The following CD247 variants were observed in gnomAD, a reference collection of about 807,000 sequenced individuals.
The protein encoded by CD247 is CD247 molecule.
A neutral mutation model predicts 30.0 loss-of-function variants in CD247; 13 were observed. The ratio of observed to expected loss-of-function variants is 0.43; its 90% CI spans 0.28 to 0.69. The LOEUF (loss-of-function observed/expected upper bound fraction) is 0.69. CD247 is among the 30% of genes least tolerant of loss of function. The probability of loss-of-function intolerance (pLI) is 0.16; values close to 1 mark genes in which losing one functional copy is unlikely to be tolerated. For synonymous variants in CD247, 72 were observed against 80.0 expected (o/e 0.90, Z 0.53); for missense variants, 193 against 212.6 (o/e 0.91, Z 0.57).
intron 1 of CD247, among the ~76,000 whole-genome samples, chr1:167,506,379 A>C (rs1571598682): frequency 8.1e-5 from 9 of 111,586 alleles, no homozygotes; most frequent in African/African-American, 1.8e-4. Flanking sequence ...TTTTTCTCTC[A>C]CTCTGTTGTC....
chr1:167,455,230 A>G (rs1652583160), intron 1 of CD247, among the ~76,000 whole-genome samples: 1 of 152,230 alleles, frequency 6.6e-6, no homozygotes, highest in African/African-American at 2.4e-5. Context: ...TAAAGAGACG[A>G]GCTTCAGCCT....
At chr1:167,478,722 A>G (rs1416534818) in intron 1 of CD247, among the ~76,000 whole-genome samples, 1 of 152,226 alleles carries the variant, frequency 6.6e-6, no homozygotes, top group African/African-American at 2.4e-5. Flanking sequence ...GTAAATTAAT[A>G]TGGGTAAAAT....
intron 1 of CD247, among the ~76,000 whole-genome samples, chr1:167,489,406 G>A (rs1310147647): frequency 6.6e-6 from 1 of 152,164 alleles, no homozygotes; most frequent in Non-Finnish European, 1.5e-5. Flanking sequence ...GTGGGTAGGT[G>A]ACACTCTCAT....
At chr1:167,434,727 G>A in intron 5 of CD247, 1 of 450,266 alleles carries the variant, frequency 2.2e-6, no homozygotes, top group South Asian at 1.6e-5. Flanking sequence ...ATCAACCTGG[G>A]AACTCCAGCA....
chr1:167,510,155 A>T (rs1028062929), intron 1 of CD247, among the ~76,000 whole-genome samples: 5 of 151,648 alleles, frequency 3.3e-5, no homozygotes, highest in African/African-American at 1.2e-4. Flanking sequence ...CTGCCACCAA[A>T]CTCCTCCTAA....
intron 1 of CD247, among the ~76,000 whole-genome samples, chr1:167,453,319 G>A (rs34608424): frequency 0.015 from 2,281 of 152,174 alleles, 30 homozygotes; most frequent in South Asian, 0.028. Context: ...TGACTCTCCC[G>A]CAGTCAAACA....
At chr1:167,459,007 C>T (rs551790679) in intron 1 of CD247, among the ~76,000 whole-genome samples, 342 of 151,204 alleles carry the variant, frequency 2.3e-3, no homozygotes, top group African/African-American at 7.9e-3. Context: ...CTGTGGCGTG[C>T]GCCTGTTATC....
chr1:167,481,780 A>AG (rs1205338881), intron 1 of CD247, among the ~76,000 whole-genome samples: 1 of 152,184 alleles, frequency 6.6e-6, no homozygotes, highest in African/African-American at 2.4e-5. Flanking sequence ...GGGCGGTCAC[A>AG]GGACCATACC....
intron 1 of CD247, among the ~76,000 whole-genome samples, chr1:167,507,359 G>T (rs997371460): frequency 1.3e-5 from 2 of 152,030 alleles, no homozygotes; most frequent in African/African-American, 4.8e-5. Context: ...AGGTGAACCA[G>T]GCCTCTTTTC....
In CD247 at chr1:167,431,577, T is replaced by G. The variant is rs1651267858; in HGVS notation, c.*104A>C. 1.1e-6 allele frequency: 1 copy of G among 942,150 alleles called. No individual in the cohort carries two copies. Among genetic ancestry groups the G allele is most frequent in the African/African-American group, 1.6e-5 (1 of 62,132 alleles). The allele number at this position is 942,150 out of a possible 1,614,324, so 58.4% of individuals were successfully genotyped here. ...GCATCCTGTACATAAAGGGGAATAC[T>G]TCAGTGGCTGAGAAGAGTGAACCGG... On this transcript the variant is annotated 3_prime_UTR_variant, in exon 8 of 8. Transcript: ENST00000362089.
intron 4 of CD247, 139 bp downstream of exon 4, chr1:167,438,431 C>G: frequency 1.3e-6 from 1 of 764,144 alleles, no homozygotes. Flanking sequence ...AAGTGGGTCT[C>G]CATCTCTTCT....
At chr1:167,515,086 C>T (rs560534474) in intron 1 of CD247, among the ~76,000 whole-genome samples, 10 of 152,202 alleles carry the variant, frequency 6.6e-5, no homozygotes, top group African/African-American at 1.7e-4. Flanking sequence ...GCCTGAGAAA[C>T]GCTAAAATTG....
rs1051242240 is a variant in CD247, at chr1:167,430,766, G to A, written c.*915C>T. ...TCCATGGCCTGTGCCCTGTAATGAC[G>A]CAGCAGTATCCTAGTACATTGACGG... On this transcript the variant is annotated 3_prime_UTR_variant, in exon 8 of 8. Transcript: ENST00000362089. The A allele has an allele frequency of 3.0e-5, 12 of 398,576 alleles. No individual in the cohort carries two copies. The highest frequency in any genetic ancestry group is 1.8e-4 in the Admixed American group (4 of 22,720). The allele number at this position is 398,576 out of a possible 1,614,324, so 24.7% of individuals were successfully genotyped here. A position where few individuals can be genotyped will look rare whatever the true frequency, so the allele number is the denominator to read the frequency against.
chr1:167,515,853 T>G (rs891240760), intron 1 of CD247, among the ~76,000 whole-genome samples: 11 of 152,272 alleles, frequency 7.2e-5, no homozygotes, highest in African/African-American at 2.7e-4. Context: ...CAGTCCGAGA[T>G]GTAATAATAG....
chr1:167,505,004 C>T (rs35296107), intron 1 of CD247, among the ~76,000 whole-genome samples: 1,679 of 152,328 alleles, frequency 0.011, 30 homozygotes, highest in African/African-American at 0.037. Context: ...TACCAAATAA[C>T]TCACGACAGC....
rs528850858 is a variant in CD247, at chr1:167,460,663, A to G, written c.59-19896T>C. Reference sequence around the variant, plus strand: ...GTGCAGGTTTGTTACATAGGTATACATGTGCCATGTTGGTTTGCTGCACCT... The same window carrying G: ...GTGCAGGTTTGTTACATAGGTATACGTGTGCCATGTTGGTTTGCTGCACCT... On this transcript the variant is annotated intron_variant, in intron 1 of 7. Transcript: ENST00000362089. Among the ~76,000 whole-genome samples, 15 of 152,260 alleles carry G rather than the reference A, an allele frequency of 9.9e-5. No homozygotes were observed. The South Asian group carries it at 3.1e-3, about 32-fold the overall frequency.
At chr1:167,460,979 C>A (rs1201864427) in intron 1 of CD247, among the ~76,000 whole-genome samples, 1 of 152,238 alleles carries the variant, frequency 6.6e-6, no homozygotes, top group Non-Finnish European at 1.5e-5. Flanking sequence ...GTCAGTTTGG[C>A]AACCCTTGGT....
At chr1:167,474,633 C>T (rs78856756) in intron 1 of CD247, among the ~76,000 whole-genome samples, 14 of 152,038 alleles carry the variant, frequency 9.2e-5, no homozygotes, top group East Asian at 7.7e-4. Context: ...CAGACACCAG[C>T]GAAGACTACT....
chr1:167,453,688 C>T (rs954760648), intron 1 of CD247, among the ~76,000 whole-genome samples: 3 of 152,118 alleles, frequency 2.0e-5, no homozygotes, highest in African/African-American at 7.2e-5. Flanking sequence ...AAAAAGGTGG[C>T]CAGGTGCAGT....
Sources: allele counts gnomAD v4.1 joint callset (sites outside exome capture counted in the v4.1 genomes callset), GRCh38; gene constraint gnomAD v4.1.1; transcripts MANE v1.5; gene names NCBI Gene and HGNC (gene_info 2026-07-23, HGNC 2026-07-21).